The following MAML2 variants were observed in gnomAD, a reference collection of about 807,000 sequenced individuals.
MAML2 encodes the protein mastermind-like protein 2.
Under a neutral mutation model 96.1 loss-of-function variants are expected in MAML2, and 22 were observed. The observed-to-expected ratio is 0.23, with a 90% confidence interval of 0.16 to 0.33. MAML2 has a LOEUF of 0.33. Ranked by LOEUF, MAML2 falls within the 10% of genes least tolerant of loss-of-function variation. The probability of loss-of-function intolerance (pLI) is 1.00; values close to 1 mark genes in which losing one functional copy is unlikely to be tolerated. For synonymous variants in MAML2, 561 were observed against 521.3 expected (o/e 1.08, Z -1.04); for missense variants, 1,367 against 1,392.4 (o/e 0.98, Z 0.29).
chr11:96,212,096 A>C (rs2135939331), intron 1 of MAML2, among the ~76,000 whole-genome samples: 1 of 145,178 alleles, frequency 6.9e-6, no homozygotes, highest in African/African-American at 2.6e-5. Flanking sequence ...TTAGGCTATA[A>C]AAGGAAGACA....
At chr11:96,080,627 A>T (rs1227940450) in intron 2 of MAML2, among the ~76,000 whole-genome samples, 1 of 152,190 alleles carries the variant, frequency 6.6e-6, no homozygotes, top group Non-Finnish European at 1.5e-5. Flanking sequence ...TTCCTACCAC[A>T]CAGCATACCC....
intron 1 of MAML2, among the ~76,000 whole-genome samples, chr11:96,119,874 G>T (rs143683478): frequency 1.3e-5 from 2 of 152,154 alleles, no homozygotes; most frequent in South Asian, 4.2e-4. Context: ...CAATGAGAGG[G>T]CATAGGCCCT....
intron 1 of MAML2, among the ~76,000 whole-genome samples, chr11:96,277,346 GAGT>G (rs144783555): frequency 0.061 from 9,276 of 152,118 alleles, 909 homozygotes; most frequent in African/African-American, 0.21. Context: ...CTGTCACCTC[GAGT>G]ATTTACCATT....
chr11:96,034,364 A>G (rs1465872876), intron 2 of MAML2, among the ~76,000 whole-genome samples: 4 of 151,806 alleles, frequency 2.6e-5, no homozygotes, highest in South Asian at 2.1e-4. Flanking sequence ...TTGCTTCTAA[A>G]ACAGCACAGT....
chr11:96,152,996 A>C (rs773971839), intron 1 of MAML2, among the ~76,000 whole-genome samples: 1 of 152,202 alleles, frequency 6.6e-6, no homozygotes, highest in African/African-American at 2.4e-5. Flanking sequence ...ACATTTCTAC[A>C]GCCAGAATGC....
chr11:96,169,360 G>T (rs1235122000), intron 1 of MAML2, among the ~76,000 whole-genome samples: 1 of 152,182 alleles, frequency 6.6e-6, no homozygotes, highest in Non-Finnish European at 1.5e-5. Context: ...CTTTCCTCCT[G>T]CTCTGCCTGC....
At chr11:96,177,572 T>G (rs1289380634) in intron 1 of MAML2, among the ~76,000 whole-genome samples, 1 of 152,236 alleles carries the variant, frequency 6.6e-6, no homozygotes, top group Non-Finnish European at 1.5e-5. Context: ...TGGGTTTTTA[T>G]TTGGGGCTGA....
intron 2 of MAML2, among the ~76,000 whole-genome samples, chr11:95,996,480 T>C (rs1376233569): frequency 6.6e-6 from 1 of 152,132 alleles, no homozygotes; most frequent in Non-Finnish European, 1.5e-5. Flanking sequence ...CTGAAGGGTT[T>C]TCCAAATTTG....
At chr11:96,282,915 A>G (rs145133906) in intron 1 of MAML2, among the ~76,000 whole-genome samples, 1 of 152,280 alleles carries the variant, frequency 6.6e-6, no homozygotes, top group Admixed American at 6.5e-5. Context: ...TCTTCCACTT[A>G]TATTTTCCTT....
chr11:96,239,939 T>C (rs1373570059), intron 1 of MAML2, among the ~76,000 whole-genome samples: 3 of 152,224 alleles, frequency 2.0e-5, no homozygotes, highest in African/African-American at 4.8e-5. Context: ...AGGGAAACAA[T>C]TGATTCTGAA....
intron 2 of MAML2, among the ~76,000 whole-genome samples, chr11:96,007,461 G>A (rs1395911335): frequency 6.6e-6 from 1 of 152,026 alleles, no homozygotes; most frequent in African/African-American, 2.4e-5. Context: ...TAGGTAACTG[G>A]TATCACTTGG....
intron 1 of MAML2, among the ~76,000 whole-genome samples, chr11:96,252,943 G>A (rs906762441): frequency 1.3e-5 from 2 of 152,120 alleles, no homozygotes; most frequent in Non-Finnish European, 2.9e-5. Context: ...CCCATCTCAG[G>A]GTGCTGACAT....
chr11:96,220,391 C>T (rs1862117473), intron 1 of MAML2, among the ~76,000 whole-genome samples: 1 of 152,130 alleles, frequency 6.6e-6, no homozygotes, highest in Non-Finnish European at 1.5e-5. Flanking sequence ...TCCCTAGTGG[C>T]ACCGGACATG....
intron 1 of MAML2, among the ~76,000 whole-genome samples, chr11:96,295,004 T>A (rs939267209): frequency 2.6e-5 from 4 of 152,342 alleles, no homozygotes; most frequent in Admixed American, 2.6e-4. Flanking sequence ...TTTGGTAAAA[T>A]GACCACAGCA....
intron 1 of MAML2, among the ~76,000 whole-genome samples, chr11:96,285,427 T>C (rs1038976506): frequency 6.6e-6 from 1 of 152,088 alleles, no homozygotes; most frequent in African/African-American, 2.4e-5. Flanking sequence ...AAAGATTTCA[T>C]AGGAAAACAC....
intron 2 of MAML2, among the ~76,000 whole-genome samples, chr11:96,042,785 C>A (rs557878499): frequency 2.9e-4 from 41 of 141,230 alleles, no homozygotes; most frequent in African/African-American, 1.1e-3. Flanking sequence ...AGCTCTGTCA[C>A]CCAGGCTGGA....
chr11:96,198,832 C>T (rs1861769381), intron 1 of MAML2, among the ~76,000 whole-genome samples: 1 of 152,118 alleles, frequency 6.6e-6, no homozygotes. Flanking sequence ...ACTCTAGCAG[C>T]TAGGGGTGAC....
At chr11:96,257,563 A>G (rs908302225) in intron 1 of MAML2, among the ~76,000 whole-genome samples, 1 of 152,244 alleles carries the variant, frequency 6.6e-6, no homozygotes, top group Non-Finnish European at 1.5e-5. Context: ...ATAATTATAG[A>G]GTCCACAGTC....
At position 96,083,984 on chromosome 11, in the gene MAML2, T is replaced by C. The variant is rs546793091; in HGVS notation, c.2139+7908A>G. 3.3e-5 allele frequency among the ~76,000 whole-genome samples: 5 copies of C among 152,220 alleles called. No homozygotes were observed. The South Asian group carries it at 1.0e-3, about 32-fold the overall frequency. Reference sequence around the variant, plus strand: ...GTCTTAGCTGAGACTGAAGAAAATTTAGGATTAGGTTAGCCAAGCTGAGTA... The same window carrying C: ...GTCTTAGCTGAGACTGAAGAAAATTCAGGATTAGGTTAGCCAAGCTGAGTA... On this transcript the variant is annotated intron_variant, in intron 2 of 4. Coordinates refer to ENST00000524717, the MANE Select transcript of MAML2 (RefSeq NM_032427.4).
Sources: allele counts gnomAD v4.1 joint callset (sites outside exome capture counted in the v4.1 genomes callset), GRCh38; gene constraint gnomAD v4.1.1; transcripts MANE v1.5; gene names NCBI Gene and HGNC (gene_info 2026-07-23, HGNC 2026-07-21).